FBXO40: variants seen among roughly 807,000 people sequenced by gnomAD.
FBXO40 encodes the protein F-box only protein 40.
In FBXO40, 50 loss-of-function variants were observed where a neutral mutation model predicts 49.9. The ratio of observed to expected loss-of-function variants is 1.00; its 90% CI spans 0.80 to 1.27. The LOEUF (loss-of-function observed/expected upper bound fraction) is 1.27, where lower values mean the gene tolerates loss of function less well. Among genes scored for constraint, FBXO40 ranks in the 50% most tolerant of loss-of-function variants. FBXO40 has a pLI of 0.00. For synonymous variants in FBXO40, 340 were observed against 320.2 expected (o/e 1.06, Z -0.66); for missense variants, 895 against 870.1 (o/e 1.03, Z -0.36).
chr3:121,616,449 A>G (rs1240746995), intron 1 of FBXO40, among the ~76,000 whole-genome samples: 2 of 152,216 alleles, frequency 1.3e-5, no homozygotes, highest in African/African-American at 4.8e-5. Context: ...AGGAGCTACT[A>G]GCCACAAATG....
chr3:121,618,814 G>T (rs913895019), intron 1 of FBXO40, among the ~76,000 whole-genome samples: 1 of 151,692 alleles, frequency 6.6e-6, no homozygotes, highest in Non-Finnish European at 1.5e-5. Context: ...GAGAAAGAAA[G>T]GACACAAAAA....
intron 1 of FBXO40, among the ~76,000 whole-genome samples, chr3:121,608,552 T>A (rs968516014): frequency 6.6e-6 from 1 of 152,230 alleles, no homozygotes; most frequent in African/African-American, 2.4e-5. Context: ...CAGCTGGGTT[T>A]ACTTGGAGAA....
At chr3:121,605,986 A>G (rs1018323543) in intron 1 of FBXO40, among the ~76,000 whole-genome samples, 1 of 152,226 alleles carries the variant, frequency 6.6e-6, no homozygotes, top group Non-Finnish European at 1.5e-5. Flanking sequence ...TAGTGAAAGG[A>G]AGGATAGAAG....
intron 1 of FBXO40, among the ~76,000 whole-genome samples, chr3:121,596,000 A>G (rs757800312): frequency 1.3e-5 from 2 of 152,210 alleles, no homozygotes; most frequent in Non-Finnish European, 2.9e-5. Flanking sequence ...GCCTAAAAAT[A>G]TCTCCCTGAC....
intron 1 of FBXO40, among the ~76,000 whole-genome samples, chr3:121,598,724 C>A (rs1377722516): frequency 1.3e-5 from 2 of 152,126 alleles, no homozygotes; most frequent in African/African-American, 2.4e-5. Context: ...TTTTCCAGAT[C>A]TTTTGTCAAG....
In FBXO40 at chr3:121,630,150, T is replaced by C. The variant is rs2049085860; in HGVS notation, c.*3240T>C. On this transcript the variant is annotated 3_prime_UTR_variant, in exon 4 of 4. Coordinates refer to ENST00000338040, the MANE Select transcript of FBXO40 (RefSeq NM_016298.4). ...GGAACTTGAAGATACGTCACGAAAATCACTATAAAAGTCTGATTTATGTGT... is the reference window on the plus strand; with the variant it reads ...GGAACTTGAAGATACGTCACGAAAACCACTATAAAAGTCTGATTTATGTGT... 1 of 152,126 alleles carries C rather than the reference T, an allele frequency of 6.6e-6. No individual in the cohort carries two copies. The allele number at this position is 152,126 out of a possible 1,614,324, so 9.4% of individuals were successfully genotyped here. A position where few individuals can be genotyped will look rare whatever the true frequency, so the allele number is the denominator to read the frequency against.
rs192193280 is a variant in FBXO40 at position 121,628,492 on chromosome 3, T to A, written c.*1582T>A. 1.3e-5 allele frequency: 2 copies of A among 152,326 alleles called. No individual in the cohort carries two copies. Among genetic ancestry groups the A allele is most frequent in the African/African-American group, 2.4e-5 (1 of 41,558 alleles). 9.4% of individuals were successfully genotyped at this position (152,326 alleles called of 1,614,324 possible). Reference sequence around the variant, plus strand: ...TGGATAATTCTTTGTTGCAAGGGACTGTTCTGTGTACTACAGGATACTTGG... The same window carrying A: ...TGGATAATTCTTTGTTGCAAGGGACAGTTCTGTGTACTACAGGATACTTGG... On this transcript the variant is annotated 3_prime_UTR_variant, in exon 4 of 4. Transcript: ENST00000338040.
At chr3:121,621,378 A>C in intron 2 of FBXO40, 55 bp from the exon 3 acceptor site, 7 of 1,482,306 alleles carry the variant, frequency 4.7e-6, no homozygotes, top group South Asian at 1.2e-5. Flanking sequence ...AGACATGCAT[A>C]GAGCTTCTCC....
chr3:121,601,512 T>C (rs1271552183), intron 1 of FBXO40, among the ~76,000 whole-genome samples: 1 of 152,198 alleles, frequency 6.6e-6, no homozygotes. Context: ...CCAGCTTCAA[T>C]AATACTGTTC....
At chr3:121,594,087 T>C (rs1220719267) in intron 1 of FBXO40, among the ~76,000 whole-genome samples, 1 of 152,174 alleles carries the variant, frequency 6.6e-6, no homozygotes, top group Non-Finnish European at 1.5e-5. Flanking sequence ...AGGCTGGTCT[T>C]GAACTCCTGG....
chr3:121,595,108 G>A (rs2048864766), intron 1 of FBXO40, among the ~76,000 whole-genome samples: 1 of 152,174 alleles, frequency 6.6e-6, no homozygotes, highest in Admixed American at 6.5e-5. Flanking sequence ...CCGATGCCAA[G>A]TAAAAGGAGA....
rs1560134165 is a variant in FBXO40 at position 121,627,116 on chromosome 3, T to C, written c.*206T>C. On this transcript the variant is annotated 3_prime_UTR_variant, in exon 4 of 4. Transcript: ENST00000338040. ...GTCTTGTACCATAGTGCCACATTGA[T>C]GACTTGTTTCCTTTTTTCTTTTCTT... 1 of 545,696 alleles carries C rather than the reference T, an allele frequency of 1.8e-6. No homozygotes were observed. Among genetic ancestry groups the C allele is most frequent in the South Asian group, 2.7e-5 (1 of 37,152 alleles). 33.8% of individuals were successfully genotyped at this position (545,696 alleles called of 1,614,324 possible). A position where few individuals can be genotyped will look rare whatever the true frequency, so the allele number is the denominator to read the frequency against.
At chr3:121,599,763 C>T (rs1239316439) in intron 1 of FBXO40, among the ~76,000 whole-genome samples, 1 of 143,478 alleles carries the variant, frequency 7.0e-6, no homozygotes, top group African/African-American at 2.6e-5. Flanking sequence ...CACTCTGGTG[C>T]CCAGGCTGGA....
intron 1 of FBXO40, among the ~76,000 whole-genome samples, chr3:121,612,373 G>T (rs898766265): frequency 1.3e-5 from 2 of 152,102 alleles, no homozygotes; most frequent in Non-Finnish European, 2.9e-5. Context: ...GGAGGTGATG[G>T]CAGGACATCG....
At chr3:121,594,291 T>C (rs1036803346) in intron 1 of FBXO40, among the ~76,000 whole-genome samples, 6 of 152,118 alleles carry the variant, frequency 3.9e-5, no homozygotes, top group South Asian at 2.1e-4. Flanking sequence ...ACCTCCACCT[T>C]CTAGGTTCAA....
chr3:121,610,358 G>A (rs1280734720), intron 1 of FBXO40, among the ~76,000 whole-genome samples: 2 of 152,176 alleles, frequency 1.3e-5, no homozygotes, highest in Non-Finnish European at 2.9e-5. Context: ...AAGTCCAGGG[G>A]CCTAAGTTTG....
At chr3:121,596,695 A>G (rs2048874571) in intron 1 of FBXO40, among the ~76,000 whole-genome samples, 1 of 152,180 alleles carries the variant, frequency 6.6e-6, no homozygotes, top group Non-Finnish European at 1.5e-5. Flanking sequence ...CAGATTATCT[A>G]TTATAAATCC....
In FBXO40 at chr3:121,627,437, C is replaced by G. The variant is rs1011067967; in HGVS notation, c.*527C>G. 5.3e-5 allele frequency: 9 copies of G among 171,420 alleles called. No individual in the cohort carries two copies. Among genetic ancestry groups the G allele is most frequent in the Admixed American group, 4.1e-4 (7 of 17,122 alleles). The allele number at this position is 171,420 out of a possible 1,614,324, so 10.6% of individuals were successfully genotyped here. On this transcript the variant is annotated 3_prime_UTR_variant, in exon 4 of 4. Coordinates refer to ENST00000338040, the MANE Select transcript of FBXO40 (RefSeq NM_016298.4). The stretch of plus-strand genomic sequence containing the variant: ...AAGTCCAGGGCTCATTTTGGTTATT[C>G]TACTGCCTCTAGGCCAGGGTAGTCC...
chr3:121,613,144 C>A (rs1273322233), intron 1 of FBXO40, among the ~76,000 whole-genome samples: 1 of 151,970 alleles, frequency 6.6e-6, no homozygotes, highest in African/African-American at 2.4e-5. Flanking sequence ...TTAAAATGCA[C>A]CCTAACAGTG....
Sources: gnomAD v4.1 joint callset for allele counts (sites outside exome capture counted in the v4.1 genomes callset) on GRCh38, gnomAD v4.1.1 for gene constraint, MANE v1.5 for transcripts, NCBI Gene and HGNC (gene_info 2026-07-23, HGNC 2026-07-21) for gene names.